The following PER2 variants were observed in gnomAD, a reference collection of about 807,000 sequenced individuals.
PER2 encodes period circadian regulator 2, also known as period circadian protein homolog 2.
A neutral mutation model predicts 121.0 loss-of-function variants in PER2; 66 were observed. That is an observed-to-expected ratio of 0.55 (90% confidence interval 0.45 to 0.67). The LOEUF (loss-of-function observed/expected upper bound fraction) is 0.67, where lower values mean the gene tolerates loss of function less well. Ranked by LOEUF, PER2 falls within the 30% of genes least tolerant of loss-of-function variation. The pLI, the probability that PER2 is intolerant of heterozygous loss-of-function variation, is 0.00. For missense variants in PER2, 1,521 were observed against 1,635.0 expected (o/e 0.93, Z 1.20); for synonymous variants, 684 against 659.9 (o/e 1.04, Z -0.56).
At chr2:238,260,786 T>A in intron 13 of PER2, 42 bp downstream of exon 13, 1 of 1,612,390 alleles carries the variant, frequency 6.2e-7, no homozygotes, top group Non-Finnish European at 8.5e-7. Context: ...TGGAGGGACA[T>A]CCACAAACTC....
At chr2:238,248,968 T>A in intron 22 of PER2, 94 bp downstream of exon 22, 3 of 1,405,934 alleles carry the variant, frequency 2.1e-6, no homozygotes, top group Non-Finnish European at 3.0e-6. Context: ...TTTTAGAAGT[T>A]TTAAATTGAC....
At chr2:238,259,338 G>T (rs943010010) in intron 14 of PER2, among the ~76,000 whole-genome samples, 1 of 152,226 alleles carries the variant, frequency 6.6e-6, no homozygotes, top group Non-Finnish European at 1.5e-5. Flanking sequence ...GTGCACACGT[G>T]TCTGTGTGCA....
At chr2:238,257,631 G>C (rs186099963) in intron 16 of PER2, among the ~76,000 whole-genome samples, 2 of 152,314 alleles carry the variant, frequency 1.3e-5, no homozygotes, top group Admixed American at 1.3e-4. Flanking sequence ...GCACCATGAT[G>C]CCTGGCTAAT....
chr2:238,246,932 G>A (rs1695466875), intron 22 of PER2, among the ~76,000 whole-genome samples: 1 of 152,186 alleles, frequency 6.6e-6, no homozygotes, highest in Non-Finnish European at 1.5e-5. Flanking sequence ...TGTCAGCCAG[G>A]AGGTGGCTGG....
At chr2:238,258,231 AT>A (rs1695819684) in intron 16 of PER2, 44 bp downstream of exon 16, 1 of 1,608,138 alleles carries the variant, frequency 6.2e-7, no homozygotes, top group Non-Finnish European at 8.5e-7. Context: ...ACTCCAGAGG[AT>A]TTACATTATT....
chr2:238,271,503 G>A lies in PER2; in HGVS notation c.581C>T (p.Ala194Val), dbSNP rs752223371. The stretch of plus-strand genomic sequence containing the variant: ...CCCAGACACCAGGGACACGGCCACC[G>A]CAAACATATCCTGAAAAGGAAGAGT... Reference protein sequence around the residue: ...EHIVKNADMFAVAVSLVSGKI... With the variant: ...EHIVKNADMFVVAVSLVSGKI... The change falls in exon 6 of 23, where the codon GCG (alanine) becomes GTG (valine). Residue 194 changes from alanine (A) to valine (V), a missense_variant. Ala to Val is a moderately conservative substitution (Grantham distance 64, BLOSUM62 0). Transcript: ENST00000254657. 15 of 1,611,372 alleles carry A rather than the reference G, an allele frequency of 9.3e-6. No individual in the cohort carries two copies. The highest frequency in any genetic ancestry group is 3.3e-5 in the Admixed American group (2 of 60,006).
At chr2:238,250,526 G>A (rs1375434725) in intron 21 of PER2, 25 bp downstream of exon 21, 1 of 1,572,514 alleles carries the variant, frequency 6.4e-7, no homozygotes, top group Non-Finnish European at 8.7e-7. Context: ...CTCCCCAGGT[G>A]CCTAGGAAAA....
chr2:238,276,204 C>A (rs1010280894), intron 3 of PER2, among the ~76,000 whole-genome samples: 1 of 152,112 alleles, frequency 6.6e-6, no homozygotes, highest in Non-Finnish European at 1.5e-5. Context: ...CTGGGTGGCC[C>A]TTGGTGGGGC....
rs1413129642 is a variant in PER2, at chr2:238,263,014, G to A, written c.1091C>T (p.Thr364Ile). 6 of 1,614,054 alleles carry A rather than the reference G, an allele frequency of 3.7e-6. No individual in the cohort carries two copies. Among genetic ancestry groups the A allele is most frequent in the Non-Finnish European group, 4.2e-6 (5 of 1,179,920 alleles). ...AGGGTGGAGCTGCACGAGCACTGGGGTTTCAATCAGGTCCTGAGGTAGGTA... is the reference window on the plus strand; with the variant it reads ...AGGGTGGAGCTGCACGAGCACTGGGATTTCAATCAGGTCCTGAGGTAGGTA... The part of the protein sequence containing the change: ...LGYLPQDLIE[T>I]PVLVQLHPSD... Residue 364 changes from threonine (T) to isoleucine (I), a missense_variant, in exon 10 of 23, where the codon ACC (threonine) becomes ATC (isoleucine). Thr to Ile is a moderately conservative substitution (Grantham distance 89, BLOSUM62 -1). Transcript: ENST00000254657.
In PER2 at chr2:238,277,853, C is replaced by A; in HGVS notation, c.84G>T (p.Leu28=). ...PVEPQPSQVP[L]QEDVDMSSGS... The stretch of plus-strand genomic sequence containing the variant: ...CACTGCTCATGTCCACATCTTCCTG[C>A]AGTGGGACCTGGCTGGGCTGGGGCT... Residue 28 remains leucine, a synonymous_variant, in exon 2 of 23, where the codon CTG becomes CTT. Coordinates refer to ENST00000254657, the MANE Select transcript of PER2 (RefSeq NM_022817.3). The A allele has an allele frequency of 6.2e-7, 1 of 1,614,202 alleles. No homozygotes were observed. The highest frequency in any genetic ancestry group is 8.5e-7 in the Non-Finnish European group (1 of 1,180,030).
rs901538617 is a variant in PER2 at position 238,253,820 on chromosome 2, G to C, written c.2321-118C>G. 2.0e-5 allele frequency: 16 copies of C among 802,728 alleles called. No individual in the cohort carries two copies. In the African/African-American group the frequency reaches 2.7e-4, roughly 14 times the overall value. The allele number at this position is 802,728 out of a possible 1,614,324, so 49.7% of individuals were successfully genotyped here. ...GCCCAGGGCCTGCCTGGTCCACCGA[G>C]CGGTTTTCCCTGATCCTCAGTGAAG... On this transcript the variant is annotated intron_variant, in intron 18 of 22. Coordinates refer to ENST00000254657, the MANE Select transcript of PER2 (RefSeq NM_022817.3). The surrounding 1 kb of genome is among the most constrained non-coding windows in gnomAD (Gnocchi z 5.6).
At chr2:238,292,697 T>C (rs1696968621), upstream of PER2, among the ~76,000 whole-genome samples, 1 of 152,142 alleles carries the variant, frequency 6.6e-6, no homozygotes. Context: ...TTGCCATATA[T>C]TCTAATTCGC....
chr2:238,276,254 A>G (rs1286697746), intron 3 of PER2, among the ~76,000 whole-genome samples: 1 of 152,228 alleles, frequency 6.6e-6, no homozygotes, highest in African/African-American at 2.4e-5. Flanking sequence ...CTCACCCACA[A>G]TAGACCAGGG....
upstream of PER2, among the ~76,000 whole-genome samples, chr2:238,293,853 C>T (rs66994003): frequency 0.053 from 8,011 of 152,116 alleles, 238 homozygotes; most frequent in South Asian, 0.13. Context: ...TGCTGTATGG[C>T]GCTCCTGGTT....
intron 9 of PER2, among the ~76,000 whole-genome samples, chr2:238,263,639 T>C (rs1204064156): frequency 6.6e-6 from 1 of 152,144 alleles, no homozygotes; most frequent in Non-Finnish European, 1.5e-5. Flanking sequence ...CACCTTCTGC[T>C]TCTGTTTGTG....
chr2:238,289,318 G>A (rs994737230), upstream of PER2: 2 of 152,184 alleles, frequency 1.3e-5, no homozygotes, highest in Non-Finnish European at 2.9e-5. Context: ...CTCATTCATC[G>A]CGGGGCCCCG....
intron 17 of PER2, among the ~76,000 whole-genome samples, 166 bp downstream of exon 17, chr2:238,256,756 G>C (rs941988377): frequency 1.3e-5 from 2 of 152,244 alleles, no homozygotes; most frequent in Admixed American, 6.5e-5. Flanking sequence ...CTGGGCCCTG[G>C]CTGGCCGCAC....
upstream of PER2, among the ~76,000 whole-genome samples, chr2:238,290,696 A>T (rs1055756654): frequency 6.6e-6 from 1 of 152,014 alleles, no homozygotes; most frequent in Admixed American, 6.6e-5. Flanking sequence ...ATTTGTGTAC[A>T]CTCCACAAAT....
rs941132629 is a variant in PER2 at position 238,277,756 on chromosome 2, T to C, written c.181A>G (p.Ser61Gly). Residue 61 changes from serine (S) to glycine (G), a missense_variant, in exon 2 of 23, where the codon AGT (serine) becomes GGT (glycine). Physicochemically the swap from Ser to Gly is moderately conservative, Grantham distance 56. Transcript: ENST00000254657. ...RDSQGSDCDD[S>G]GKELGMLVEP... is the part of the protein sequence containing the mutation. ...ACCAGCATCCCCAGCTCCTTCCCACTGTCGTCACAGTCACTGCCCTGCGAG... is the reference window on the plus strand; with the variant it reads ...ACCAGCATCCCCAGCTCCTTCCCACCGTCGTCACAGTCACTGCCCTGCGAG... 2 of 1,614,200 alleles carry C rather than the reference T, an allele frequency of 1.2e-6. No individual in the cohort carries two copies. The highest frequency in any genetic ancestry group is 2.2e-5 in the East Asian group (1 of 44,886).
Sources: gnomAD v4.1 joint callset for allele counts (sites outside exome capture counted in the v4.1 genomes callset) on GRCh38, gnomAD v4.1.1 for gene constraint, Gnocchi (gnomAD v3.1) non-coding constraint, MANE v1.5 for transcripts, NCBI Gene and HGNC (gene_info 2026-07-23, HGNC 2026-07-21) for gene names.